Variants in RPH3A observed in about 807,000 individuals in gnomAD.
RPH3A encodes rabphilin-3A.
A neutral mutation model predicts 102.2 loss-of-function variants in RPH3A; 48 were observed. The observed-to-expected ratio is 0.47, with a 90% CI of 0.37 to 0.60. The LOEUF (loss-of-function observed/expected upper bound fraction) is 0.60, where lower values mean the gene tolerates loss of function less well. RPH3A is among the 20% of genes least tolerant of loss of function. RPH3A has a pLI of 0.00. For missense variants in RPH3A, 781 were observed against 910.1 expected (o/e 0.86, Z 1.83); for synonymous variants, 310 against 324.3 (o/e 0.96, Z 0.47).
At chr12:112,627,374 AATT>A (rs1174933882) in intron 1 of RPH3A, among the ~76,000 whole-genome samples, 2 of 148,840 alleles carry the variant, frequency 1.3e-5, no homozygotes, top group African/African-American at 4.9e-5. Context: ...ACATAATATA[AATT>A]ATTATATATA....
chr12:112,869,640 A>T, intron 8 of RPH3A, 119 bp from the exon 9 acceptor site: 1 of 1,004,784 alleles, frequency 1.0e-6, no homozygotes, highest in Non-Finnish European at 1.5e-6. Context: ...AAAGACTTTT[A>T]ATTTTTAAAA....
At chr12:112,774,424 G>A (rs2040950161) in intron 1 of RPH3A, among the ~76,000 whole-genome samples, 1 of 152,168 alleles carries the variant, frequency 6.6e-6, no homozygotes, top group Non-Finnish European at 1.5e-5. Context: ...GGATATAGAT[G>A]AGAGCACTAG....
At chr12:112,787,630 A>G (rs2041060495), upstream of RPH3A, among the ~76,000 whole-genome samples, 1 of 152,220 alleles carries the variant, frequency 6.6e-6, no homozygotes, top group South Asian at 2.1e-4. Context: ...ATGATCATAA[A>G]TTCACAGGGT....
At position 112,875,101 on chromosome 12, in the gene RPH3A, T is replaced by G. The variant is rs200227679; in HGVS notation, c.814T>G (p.Ser272Ala). Residue 272 changes from serine to alanine, a missense_variant, in exon 11 of 22, where the codon TCA becomes GCA. Ser to Ala is a moderately conservative substitution (Grantham distance 99). Around this residue, in one of 2 missense-constraint regions of RPH3A, gnomAD observed 730 missense variants for 810.0 expected, o/e 0.90. Coordinates refer to ENST00000389385, the MANE Select transcript of RPH3A (RefSeq NM_001143854.2). ...CTCTGCAGGTTTGAGACGGGCCAAC[T>G]CAGTCCAGGCCTCCAGACCTGCCCC... ...RSPAGLRRANSVQASRPAPGS... is the reference protein window; with the variant it reads ...RSPAGLRRANAVQASRPAPGS... 2 of 1,609,506 alleles carry G rather than the reference T, an allele frequency of 1.2e-6. No individual in the cohort carries two copies. The highest frequency in any genetic ancestry group is 1.7e-6 in the Non-Finnish European group (2 of 1,178,426).
At chr12:112,806,920 T>C (rs1296155704) in intron 2 of RPH3A, among the ~76,000 whole-genome samples, 1 of 152,168 alleles carries the variant, frequency 6.6e-6, no homozygotes, top group African/African-American at 2.4e-5. Flanking sequence ...GGAAGTGATG[T>C]TCGACCTGAG....
chr12:112,668,459 C>A (rs1031127335), intron 1 of RPH3A, among the ~76,000 whole-genome samples: 2 of 152,124 alleles, frequency 1.3e-5, no homozygotes, highest in Non-Finnish European at 2.9e-5. Context: ...GGCACATATA[C>A]ACCATGGAAT....
intron 1 of RPH3A, among the ~76,000 whole-genome samples, chr12:112,597,887 G>A (rs1468507633): frequency 6.6e-6 from 1 of 152,192 alleles, no homozygotes; most frequent in Non-Finnish European, 1.5e-5. Context: ...AGACCTATAG[G>A]CAAGAGAAGC....
At chr12:112,612,534 C>A (rs1270653375) in intron 1 of RPH3A, among the ~76,000 whole-genome samples, 1 of 146,414 alleles carries the variant, frequency 6.8e-6, no homozygotes, top group Non-Finnish European at 1.5e-5. Context: ...GGAAGAGTGT[C>A]TGGGCCCTAA....
At chr12:112,831,799 T>C (rs2041974823) in intron 3 of RPH3A, 1 of 455,910 alleles carries the variant, frequency 2.2e-6, no homozygotes, top group African/African-American at 2.0e-5. Context: ...AAGTGTCTGT[T>C]AAGAGTCTTA....
At chr12:112,895,677 A>G in intron 20 of RPH3A, 100 bp from the exon 21 acceptor site, 3 of 740,274 alleles carry the variant, frequency 4.1e-6, no homozygotes, top group Non-Finnish European at 7.1e-6. Context: ...CAGCTCAAGG[A>G]CCTCTCCTTG....
At chr12:112,658,968 T>TAACA (rs1249088586) in intron 1 of RPH3A, among the ~76,000 whole-genome samples, 1 of 152,188 alleles carries the variant, frequency 6.6e-6, no homozygotes, top group Non-Finnish European at 1.5e-5. Flanking sequence ...GCACTGTGCT[T>TAACA]AACACTCATA....
In RPH3A at chr12:112,678,291, A is replaced by AGAGAG. The variant is rs1566255250; in HGVS notation, c.-140+102972_-140+102973insGAGAG. Among the ~76,000 whole-genome samples the AGAGAG allele has an allele frequency of 2.1e-3, 66 of 30,726 alleles. 9 individuals carry two copies. Among genetic ancestry groups the AGAGAG allele is most frequent in the African/African-American group, 7.1e-3 (45 of 6,366 alleles). 20.2% of individuals were successfully genotyped at this position (30,726 alleles called of 152,430 possible). Reference sequence around the variant, plus strand: ...AAAGAAAGAAAGAAAGAAAGAAAGAAAGAAAGAAAGAAAGAGAGAGAGAGA... The same window carrying AGAGAG: ...AAAGAAAGAAAGAAAGAAAGAAAGAAGAGAGAGAAAGAAAGAAAGAGAGAGAGAGA... On this transcript the variant is annotated intron_variant, in intron 1 of 21. Coordinates refer to the RPH3A transcript ENST00000543106.
At position 112,576,909 on chromosome 12, in the gene RPH3A, C is replaced by CTTTT. The variant is rs3036138; in HGVS notation, c.-140+1601_-140+1604dup. Among the ~76,000 whole-genome samples the CTTTT allele has an allele frequency of 2.6e-5, 3 of 114,618 alleles. 1 individual carries two copies. The highest frequency in any genetic ancestry group is 5.1e-5 in the Non-Finnish European group (3 of 58,422). 75.2% of individuals were successfully genotyped at this position (114,618 alleles called of 152,430 possible). On this transcript the variant is annotated intron_variant, in intron 1 of 21. Coordinates refer to the RPH3A transcript ENST00000543106. The stretch of plus-strand genomic sequence containing the variant: ...TTCTTTTCTTTTTTTTCTTTTCTTC[C>CTTTT]TTTTTTTTTTTTTTGAGATAGAGTC...
At chr12:112,704,565 A>G (rs920545626) in intron 1 of RPH3A, among the ~76,000 whole-genome samples, 3 of 152,114 alleles carry the variant, frequency 2.0e-5, no homozygotes, top group Non-Finnish European at 4.4e-5. Flanking sequence ...CCCTGGACCC[A>G]TATATCTAAG....
Position 112,896,882 on chromosome 12 carries a change from T to A in RPH3A, c.*102T>A. 1 of 1,250,806 alleles carries A rather than the reference T, an allele frequency of 8.0e-7. No homozygotes were observed. Among genetic ancestry groups the A allele is most frequent in the Non-Finnish European group, 1.1e-6 (1 of 890,184 alleles). 77.5% of individuals were successfully genotyped at this position (1,250,806 alleles called of 1,614,324 possible). A position where few individuals can be genotyped will look rare whatever the true frequency, so the allele number is the denominator to read the frequency against. ...TCTTCTCTATGCCTACCTCCCCCCATACCCTGCTGATCTCCCTGAGCCTGC... is the reference window on the plus strand; with the variant it reads ...TCTTCTCTATGCCTACCTCCCCCCAAACCCTGCTGATCTCCCTGAGCCTGC... On this transcript the variant is annotated 3_prime_UTR_variant, in exon 22 of 22. Coordinates refer to ENST00000389385, the MANE Select transcript of RPH3A (RefSeq NM_001143854.2).
At chr12:112,604,672 T>C (rs1334204071) in intron 1 of RPH3A, among the ~76,000 whole-genome samples, 1 of 152,222 alleles carries the variant, frequency 6.6e-6, no homozygotes, top group African/African-American at 2.4e-5. Context: ...AGCATTTCAG[T>C]ATAGCTTAGC....
chr12:112,689,213 T>A (rs1025249354), intron 1 of RPH3A, among the ~76,000 whole-genome samples: 1 of 152,172 alleles, frequency 6.6e-6, no homozygotes, highest in African/African-American at 2.4e-5. Flanking sequence ...CCATCAAAAC[T>A]TGACCATGGA....
chr12:112,609,870 G>A (rs891298653), intron 1 of RPH3A, among the ~76,000 whole-genome samples: 1 of 152,192 alleles, frequency 6.6e-6, no homozygotes, highest in Non-Finnish European at 1.5e-5. Flanking sequence ...GGTGTCCATG[G>A]TGACAGAGCA....
chr12:112,598,501 A>T (rs1480478827), intron 1 of RPH3A, among the ~76,000 whole-genome samples: 1 of 152,076 alleles, frequency 6.6e-6, no homozygotes, highest in Non-Finnish European at 1.5e-5. Context: ...TATACATCAT[A>T]CTCTTATGAG....
Sources: allele counts gnomAD v4.1 joint callset (sites outside exome capture counted in the v4.1 genomes callset), GRCh38; gene constraint gnomAD v4.1.1; regional missense constraint gnomAD v4.1.1; transcripts MANE v1.5; gene names NCBI Gene and HGNC (gene_info 2026-07-23, HGNC 2026-07-21).